Variants in RANBP10 observed in about 807,000 individuals in gnomAD.
RANBP10 encodes RAN binding protein 10.
RANBP10 carries 24 observed loss-of-function variants against 72.8 expected under a neutral mutation model. That is an observed-to-expected ratio of 0.33 (90% CI 0.24 to 0.46). The LOEUF (loss-of-function observed/expected upper bound fraction) is 0.46, where lower values mean the gene tolerates loss of function less well. Ranked by LOEUF, RANBP10 falls within the 20% of genes least tolerant of loss-of-function variation. The probability of loss-of-function intolerance (pLI) is 1.00; values close to 1 mark genes in which losing one functional copy is unlikely to be tolerated. For synonymous variants in RANBP10, 310 were observed against 322.3 expected (o/e 0.96, Z 0.41); for missense variants, 679 against 817.5 (o/e 0.83, Z 2.07).
intron 3 of RANBP10, among the ~76,000 whole-genome samples, chr16:67,761,686 C>T (rs1233467513): frequency 1.3e-5 from 2 of 152,190 alleles, no homozygotes; most frequent in African/African-American, 2.4e-5. Flanking sequence ...TCTCCTGCCT[C>T]AGCCTCCTGA....
chr16:67,753,033 T>C (rs906315650), intron 3 of RANBP10, among the ~76,000 whole-genome samples: 1 of 151,298 alleles, frequency 6.6e-6, no homozygotes, highest in African/African-American at 2.4e-5. Context: ...TCAGTCCAGG[T>C]GTTCGAGACC....
At chr16:67,774,702 G>A (rs1170657102) in intron 2 of RANBP10, among the ~76,000 whole-genome samples, 1 of 152,182 alleles carries the variant, frequency 6.6e-6, no homozygotes, top group East Asian at 1.9e-4. Context: ...ATATTCCAAT[G>A]AGGTCACAGC....
intron 2 of RANBP10, among the ~76,000 whole-genome samples, chr16:67,775,310 C>T (rs1391782236): frequency 6.6e-6 from 1 of 151,834 alleles, no homozygotes; most frequent in Non-Finnish European, 1.5e-5. Context: ...GACTCCGCTT[C>T]GAAAAATAAA....
intron 2 of RANBP10, among the ~76,000 whole-genome samples, chr16:67,773,185 A>G (rs1321826226): frequency 6.6e-6 from 1 of 152,196 alleles, no homozygotes; most frequent in East Asian, 1.9e-4. Flanking sequence ...CAGTCCTCAC[A>G]GTAATGAACG....
chr16:67,767,340 C>G (rs2054521460), intron 3 of RANBP10, among the ~76,000 whole-genome samples: 1 of 151,704 alleles, frequency 6.6e-6, no homozygotes. Flanking sequence ...ACCTGTAGTC[C>G]CAGCTACTTG....
At chr16:67,774,054 G>A (rs969213916) in intron 2 of RANBP10, among the ~76,000 whole-genome samples, 6 of 152,222 alleles carry the variant, frequency 3.9e-5, no homozygotes, top group African/African-American at 1.4e-4. Context: ...ACATGGCAGA[G>A]GCTGCCAAAA....
intron 3 of RANBP10, among the ~76,000 whole-genome samples, chr16:67,749,091 G>A (rs2054145993): frequency 1.3e-5 from 2 of 152,284 alleles, no homozygotes; most frequent in African/African-American, 4.8e-5. Context: ...GGTGTGGCCA[G>A]GCAGCAAGCA....
chr16:67,758,095 C>G (rs1267226657), intron 3 of RANBP10, among the ~76,000 whole-genome samples: 2 of 152,190 alleles, frequency 1.3e-5, no homozygotes, highest in African/African-American at 4.8e-5. Flanking sequence ...GGGCCTTGCA[C>G]AGATCACACC....
rs2053586355 is a variant in RANBP10, at chr16:67,725,793, CGGCCTGT to C, written c.*628_*634del. On this transcript the variant is annotated 3_prime_UTR_variant, in exon 14 of 14. Transcript: ENST00000317506. ...TATTTGGGTTTCCTAGGCTGCAGCT[CGGCCTGT>C]GACTCAAAAAAGGGGGAGCAAAAAA... 6.6e-6 allele frequency: 1 copy of C among 152,304 alleles called. No homozygotes were observed. Among genetic ancestry groups the C allele is most frequent in the Non-Finnish European group, 1.5e-5 (1 of 67,994 alleles). 9.4% of individuals were successfully genotyped at this position (152,304 alleles called of 1,614,324 possible). A position where few individuals can be genotyped will look rare whatever the true frequency, so the allele number is the denominator to read the frequency against.
intron 2 of RANBP10, among the ~76,000 whole-genome samples, chr16:67,801,162 C>G (rs1282263583): frequency 6.6e-6 from 1 of 152,088 alleles, no homozygotes; most frequent in African/African-American, 2.4e-5. Context: ...TTATAAATAC[C>G]TTTTACAAAG....
Position 67,744,346 on chromosome 16 carries a change from G to A in RANBP10, c.510C>T (p.Gly170=), listed in dbSNP as rs371959782. ...GPTFTTGDVI[G]CCVNLINGTC... is the part of the protein sequence containing the mutation. ...TGCCATTGATGAGGTTGACACAGCAGCCGATCACGTCTCCTGTGGTGAATG... is the reference window on the plus strand; with the variant it reads ...TGCCATTGATGAGGTTGACACAGCAACCGATCACGTCTCCTGTGGTGAATG... The change falls in exon 4 of 14, where the codon GGC becomes GGT. Residue 170 remains glycine, a synonymous_variant. Coordinates refer to ENST00000317506, the MANE Select transcript of RANBP10 (RefSeq NM_020850.3). 1 of 1,614,136 alleles carries A rather than the reference G, an allele frequency of 6.2e-7. No individual in the cohort carries two copies. The highest frequency in any genetic ancestry group is 1.3e-5 in the African/African-American group (1 of 74,948).
intron 3 of RANBP10, among the ~76,000 whole-genome samples, chr16:67,765,577 C>A (rs994390597): frequency 6.6e-6 from 1 of 152,088 alleles, no homozygotes; most frequent in Non-Finnish European, 1.5e-5. Context: ...TGGCTCACGC[C>A]TGTAGTCCCA....
chr16:67,789,313 A>C (rs2143017835), intron 2 of RANBP10, among the ~76,000 whole-genome samples: 1 of 150,880 alleles, frequency 6.6e-6, no homozygotes, highest in South Asian at 2.1e-4. Flanking sequence ...CCATCTCAAA[A>C]AAAAAAAAAA....
chr16:67,777,684 T>A (rs2054731502), intron 2 of RANBP10, among the ~76,000 whole-genome samples: 1 of 152,212 alleles, frequency 6.6e-6, no homozygotes, highest in African/African-American at 2.4e-5. Flanking sequence ...ATTGTTAAGA[T>A]GTCAATACTA....
intron 6 of RANBP10, among the ~76,000 whole-genome samples, chr16:67,732,752 T>A (rs1011169654): frequency 6.6e-6 from 1 of 151,866 alleles, no homozygotes; most frequent in Non-Finnish European, 1.5e-5. Flanking sequence ...ATCTCATCTC[T>A]ACTTTAAAAA....
chr16:67,753,106 C>T (rs537427292), intron 3 of RANBP10, among the ~76,000 whole-genome samples: 24 of 147,454 alleles, frequency 1.6e-4, no homozygotes, highest in South Asian at 1.6e-3. Flanking sequence ...CTGGGTGTGG[C>T]GGTGTGTACT....
chr16:67,764,710 T>C (rs1468731483), intron 3 of RANBP10, among the ~76,000 whole-genome samples: 1 of 152,118 alleles, frequency 6.6e-6, no homozygotes, highest in Non-Finnish European at 1.5e-5. Flanking sequence ...AATAAAGCAA[T>C]GTAAAAATAA....
chr16:67,786,900 C>T (rs2054926590), intron 2 of RANBP10, among the ~76,000 whole-genome samples: 1 of 151,622 alleles, frequency 6.6e-6, no homozygotes. Context: ...GCACTCCAGC[C>T]TGGGGGATAG....
In RANBP10 at chr16:67,728,525, T is replaced by G; in HGVS notation, c.1353-14A>C. 6.2e-7 allele frequency: 1 copy of G among 1,613,340 alleles called. No individual in the cohort carries two copies. The highest frequency in any genetic ancestry group is 1.7e-5 in the Admixed American group (1 of 59,956). ...ATCTCACTGTCGCTGTGGGGAGGGG[T>G]TGAGGTGGGAGTTGGCCCAGGGGGT... On this transcript the variant is annotated splice_polypyrimidine_tract_variant and intron_variant, in intron 10 of 13. Coordinates refer to ENST00000317506, the MANE Select transcript of RANBP10 (RefSeq NM_020850.3).
Sources: gnomAD v4.1 joint callset for allele counts (sites outside exome capture counted in the v4.1 genomes callset) on GRCh38, gnomAD v4.1.1 for gene constraint, MANE v1.5 for transcripts, NCBI Gene and HGNC (gene_info 2026-07-23, HGNC 2026-07-21) for gene names.